The following CCDC91 variants were observed in gnomAD, a reference collection of about 807,000 sequenced individuals.
The protein encoded by CCDC91 is coiled-coil domain-containing protein 91.
Under a neutral mutation model 63.2 loss-of-function variants are expected in CCDC91, and 48 were observed. The observed-to-expected ratio is 0.76, with a 90% CI of 0.60 to 0.97. The LOEUF (loss-of-function observed/expected upper bound fraction) is 0.97. Ranked by LOEUF, CCDC91 falls within the 50% of genes least tolerant of loss-of-function variation. The pLI, the probability that CCDC91 is intolerant of heterozygous loss-of-function variation, is 0.00. For synonymous variants in CCDC91, 167 were observed against 165.8 expected (o/e 1.01, Z -0.06); for missense variants, 500 against 494.6 (o/e 1.01, Z -0.10).
chr12:28,216,955 A>C (rs754771579), intron 1 of CCDC91, among the ~76,000 whole-genome samples: 34 of 152,160 alleles, frequency 2.2e-4, no homozygotes, highest in Non-Finnish European at 4.9e-4. Context: ...AGAATGTTTA[A>C]AATTAGAAAC....
chr12:28,423,109 C>G (rs1162558526), intron 8 of CCDC91, among the ~76,000 whole-genome samples: 1 of 151,948 alleles, frequency 6.6e-6, no homozygotes, highest in Admixed American at 6.6e-5. Flanking sequence ...GATGCCCTGT[C>G]CAGGAGAATT....
chr12:28,285,925 A>T (rs1368735698), intron 3 of CCDC91, among the ~76,000 whole-genome samples: 1 of 152,052 alleles, frequency 6.6e-6, no homozygotes, highest in Non-Finnish European at 1.5e-5. Flanking sequence ...ATTATTTATC[A>T]TAAAACTTTT....
At chr12:28,432,612 G>A (rs1392858321) in intron 8 of CCDC91, among the ~76,000 whole-genome samples, 2 of 152,060 alleles carry the variant, frequency 1.3e-5, no homozygotes, top group Admixed American at 6.6e-5. Flanking sequence ...TTATAGCAGT[G>A]TAAAAACAAA....
intron 8 of CCDC91, among the ~76,000 whole-genome samples, chr12:28,446,758 T>G (rs1949521362): frequency 6.6e-6 from 1 of 152,138 alleles, no homozygotes; most frequent in African/African-American, 2.4e-5. Flanking sequence ...AGCCACCTTG[T>G]GCGGCCTCAA....
At chr12:28,532,912 T>C (rs949538248) in intron 12 of CCDC91, among the ~76,000 whole-genome samples, 1 of 152,132 alleles carries the variant, frequency 6.6e-6, no homozygotes, top group Admixed American at 6.6e-5. Flanking sequence ...AAAATGGGTA[T>C]CATTGGCTAT....
chr12:28,264,318 A>C (rs1011540645), intron 3 of CCDC91, among the ~76,000 whole-genome samples: 10 of 136,278 alleles, frequency 7.3e-5, no homozygotes, highest in African/African-American at 2.5e-4. Context: ...CTAACATAAG[A>C]AAGTTTTTGA....
intron 12 of CCDC91, among the ~76,000 whole-genome samples, chr12:28,506,983 G>A (rs1938806724): frequency 1.3e-5 from 2 of 151,982 alleles, no homozygotes; most frequent in South Asian, 4.1e-4. Context: ...AATAAAAGTT[G>A]TGTAAATGCA....
At chr12:28,391,500 C>A (rs966400195) in intron 8 of CCDC91, 89 bp downstream of exon 8, 1 of 699,626 alleles carries the variant, frequency 1.4e-6, no homozygotes, top group Non-Finnish European at 2.3e-6. Flanking sequence ...CAGTTCTGTT[C>A]CATTTACTTG....
chr12:28,443,635 A>G (rs1313346608), intron 8 of CCDC91, among the ~76,000 whole-genome samples: 2 of 151,684 alleles, frequency 1.3e-5, no homozygotes, highest in African/African-American at 4.8e-5. Context: ...ATATGATGAA[A>G]AAAAGAAAAA....
At chr12:28,274,557 G>A (rs1243410040) in intron 3 of CCDC91, among the ~76,000 whole-genome samples, 4 of 151,934 alleles carry the variant, frequency 2.6e-5, no homozygotes, top group South Asian at 2.1e-4. Flanking sequence ...GGTCCTTCAC[G>A]TCCCTTGCAC....
chr12:28,396,235 C>T (rs1362828558), intron 8 of CCDC91, among the ~76,000 whole-genome samples: 2 of 152,064 alleles, frequency 1.3e-5, no homozygotes, highest in African/African-American at 2.4e-5. Context: ...AAAAATCTTT[C>T]ATTTGAGAAA....
intron 8 of CCDC91, among the ~76,000 whole-genome samples, chr12:28,397,193 T>C (rs761517726): frequency 6.6e-6 from 1 of 152,076 alleles, no homozygotes; most frequent in Non-Finnish European, 1.5e-5. Context: ...GTTTGCAGAA[T>C]AAACAAGATA....
chr12:28,346,547 G>A (rs1400663497), intron 6 of CCDC91, among the ~76,000 whole-genome samples: 1 of 152,084 alleles, frequency 6.6e-6, no homozygotes, highest in East Asian at 1.9e-4. Context: ...TTAGTTATGG[G>A]AAATTTATTG....
chr12:28,202,690 A>T (rs1032481984), intron 1 of CCDC91, among the ~76,000 whole-genome samples: 10 of 152,248 alleles, frequency 6.6e-5, no homozygotes, highest in African/African-American at 2.4e-4. Context: ...TACAGAGCTT[A>T]AAGTGTAGCA....
At chr12:28,298,727 T>TAA (rs138233289) in intron 3 of CCDC91, among the ~76,000 whole-genome samples, 6 of 145,484 alleles carry the variant, frequency 4.1e-5, no homozygotes, top group Non-Finnish European at 7.6e-5. Flanking sequence ...CTTGATTTTG[T>TAA]AAAAAAAAAA....
At chr12:28,340,724 A>AG (rs528806612) in intron 6 of CCDC91, among the ~76,000 whole-genome samples, 47 of 152,286 alleles carry the variant, frequency 3.1e-4, no homozygotes, top group African/African-American at 1.1e-3. Context: ...GGCAGTGTCT[A>AG]GGGGTGAATG....
intron 12 of CCDC91, among the ~76,000 whole-genome samples, chr12:28,542,653 T>C (rs566771610): frequency 6.6e-6 from 1 of 152,192 alleles, no homozygotes; most frequent in South Asian, 2.1e-4. Flanking sequence ...AGAGTCCAAA[T>C]TATTCTTAAC....
At chr12:28,329,742 T>G (rs541335974) in intron 6 of CCDC91, among the ~76,000 whole-genome samples, 13 of 152,208 alleles carry the variant, frequency 8.5e-5, no homozygotes, top group African/African-American at 3.1e-4. Flanking sequence ...CATTAGGTAT[T>G]TCTCCTAATG....
chr12:28,487,447 C>A (rs1243312962), intron 12 of CCDC91, among the ~76,000 whole-genome samples: 1 of 151,648 alleles, frequency 6.6e-6, no homozygotes, highest in East Asian at 1.9e-4. Flanking sequence ...GGAAAATTTT[C>A]ATACACAAAA....
Sources: gnomAD v4.1 joint callset for allele counts (sites outside exome capture counted in the v4.1 genomes callset) on GRCh38, gnomAD v4.1.1 for gene constraint, MANE v1.5 for transcripts, NCBI Gene and HGNC (gene_info 2026-07-23, HGNC 2026-07-21) for gene names.